Variants in ATP10B observed in about 807,000 individuals in gnomAD.
The protein encoded by ATP10B is ATPase phospholipid transporting 10B (putative), also known as phospholipid-transporting ATPase VB.
In ATP10B, 122 loss-of-function variants were observed where a neutral mutation model predicts 141.2. The ratio of observed to expected loss-of-function variants is 0.86; its 90% confidence interval spans 0.75 to 1.00. The LOEUF (loss-of-function observed/expected upper bound fraction) is 1.00, where lower values mean the gene tolerates loss of function less well. Among genes scored for constraint, ATP10B ranks in the 50% least tolerant of loss-of-function variants. ATP10B has a pLI of 0.00. For synonymous variants in ATP10B, 685 were observed against 692.0 expected (o/e 0.99, Z 0.16); for missense variants, 1,876 against 1,825.3 (o/e 1.03, Z -0.51).
At chr5:160,726,093 TGA>T (rs1766332680) in intron 2 of ATP10B, among the ~76,000 whole-genome samples, 1 of 152,150 alleles carries the variant, frequency 6.6e-6, no homozygotes, top group South Asian at 2.1e-4. Context: ...GGAAAGCCAC[TGA>T]GAGACGCGCG....
At chr5:160,735,585 T>A (rs1308121230) in intron 2 of ATP10B, among the ~76,000 whole-genome samples, 1 of 152,070 alleles carries the variant, frequency 6.6e-6, no homozygotes, top group Non-Finnish European at 1.5e-5. Flanking sequence ...ATTGGACAGA[T>A]CTTCCAGACA....
chr5:160,594,824 A>G (rs555863737), intron 22 of ATP10B, among the ~76,000 whole-genome samples: 1 of 152,350 alleles, frequency 6.6e-6, no homozygotes, highest in Non-Finnish European at 1.5e-5. Flanking sequence ...GGATCAATTC[A>G]ACAAGAAGAG....
chr5:160,770,655 A>T (rs1769831025), intron 2 of ATP10B, among the ~76,000 whole-genome samples: 1 of 152,178 alleles, frequency 6.6e-6, no homozygotes, highest in Non-Finnish European at 1.5e-5. Flanking sequence ...AATTTTGGTT[A>T]GTGTACTTTT....
the ATP10B span, among the ~76,000 whole-genome samples, chr5:160,891,051 T>A: frequency 6.6e-6 from 1 of 152,124 alleles, no homozygotes; most frequent in Non-Finnish European, 1.5e-5. Context: ...CTGTTTTTAA[T>A]TCTTTTGCAT....
At chr5:160,836,246 A>C (rs2127982180) in intron 1 of ATP10B, among the ~76,000 whole-genome samples, 1 of 152,306 alleles carries the variant, frequency 6.6e-6, no homozygotes. Context: ...ATTTACACAC[A>C]GAAAATGACA....
chr5:160,926,616 G>A, the ATP10B span, among the ~76,000 whole-genome samples: 1,944 of 152,278 alleles, frequency 0.013, 30 homozygotes, highest in African/African-American at 0.041. Context: ...TGAAGAAGAC[G>A]TAAGTGCAAT....
At chr5:160,573,631 A>C (rs1273489983) in intron 24 of ATP10B, among the ~76,000 whole-genome samples, 1 of 152,096 alleles carries the variant, frequency 6.6e-6, no homozygotes, top group Non-Finnish European at 1.5e-5. Flanking sequence ...TGAACTGTGG[A>C]TGTGAGGGAT....
chr5:160,603,582 G>A (rs750402631), intron 20 of ATP10B: 18 of 217,044 alleles, frequency 8.3e-5, no homozygotes, highest in Admixed American at 5.8e-4. Context: ...TAGGAGATAC[G>A]CAAAAGTTAA....
At chr5:160,851,581 C>G (rs921420458) in intron 1 of ATP10B, among the ~76,000 whole-genome samples, 1 of 152,146 alleles carries the variant, frequency 6.6e-6, no homozygotes, top group Non-Finnish European at 1.5e-5. Flanking sequence ...TAGTTTCTTT[C>G]TGCTTTGAGA....
chr5:160,758,533 G>C (rs1768800328), intron 2 of ATP10B, among the ~76,000 whole-genome samples: 1 of 152,134 alleles, frequency 6.6e-6, no homozygotes. Context: ...TCAAAACATT[G>C]ACATGGAGGG....
chr5:160,779,095 A>G (rs1001592327), intron 2 of ATP10B, among the ~76,000 whole-genome samples: 5 of 152,210 alleles, frequency 3.3e-5, no homozygotes, highest in African/African-American at 1.2e-4. Context: ...TAATGTCACT[A>G]TCCCCAACCT....
At chr5:160,588,979 G>A (rs2127609739) in intron 24 of ATP10B, among the ~76,000 whole-genome samples, 1 of 152,190 alleles carries the variant, frequency 6.6e-6, no homozygotes, top group South Asian at 2.1e-4. Context: ...TATGGTCAGT[G>A]TTTTCCTTGT....
At chr5:160,906,755 T>C in the ATP10B span, among the ~76,000 whole-genome samples, 2 of 152,210 alleles carry the variant, frequency 1.3e-5, no homozygotes, top group African/African-American at 4.8e-5. Flanking sequence ...CCTCTCCTTC[T>C]TCCTCCTGCT....
At chr5:160,642,195 T>C (rs1477281) in intron 9 of ATP10B, among the ~76,000 whole-genome samples, 134,662 of 152,262 alleles carry the variant, frequency 0.88, 59,832 homozygotes, top group African/African-American at 0.95. Context: ...GGGTGAGTGA[T>C]CCTCTTTGTA....
At chr5:160,825,899 AC>A (rs1774565886) in intron 1 of ATP10B, among the ~76,000 whole-genome samples, 1 of 152,178 alleles carries the variant, frequency 6.6e-6, no homozygotes, top group African/African-American at 2.4e-5. Context: ...ATAAGTGAGA[AC>A]GTGCAGTATT....
At chr5:160,857,156 G>A (rs1398719991), upstream of ATP10B, among the ~76,000 whole-genome samples, 1 of 151,732 alleles carries the variant, frequency 6.6e-6, no homozygotes, top group African/African-American at 2.4e-5. Flanking sequence ...TAAACAAATT[G>A]TAGGATTCCC....
At chr5:160,689,142 A>C in intron 3 of ATP10B, among the ~76,000 whole-genome samples, 199 bp from the exon 4 acceptor site, 1 of 152,370 alleles carries the variant, frequency 6.6e-6, no homozygotes, top group Non-Finnish European at 1.5e-5. Context: ...TGATTACCTC[A>C]ATAGATGCAG....
chr5:160,685,848 G>A lies in ATP10B; in HGVS notation c.470+231C>T, dbSNP rs1315565467. 3.9e-5 allele frequency among the ~76,000 whole-genome samples: 6 copies of A among 151,956 alleles called. No individual in the cohort carries two copies. The South Asian group carries it at 6.2e-4, about 16-fold the overall frequency. On this transcript the variant is annotated intron_variant, in intron 6 of 25. Coordinates refer to ENST00000327245, the MANE Select transcript of ATP10B (RefSeq NM_025153.3). Reference sequence around the variant, plus strand: ...TCGTAGGCTATTTAGCAGAACCCCCGGATTTTACCCACTAGATGTCAGTAG... The same window carrying A: ...TCGTAGGCTATTTAGCAGAACCCCCAGATTTTACCCACTAGATGTCAGTAG...
At chr5:160,696,007 T>G (rs576118810) in intron 3 of ATP10B, among the ~76,000 whole-genome samples, 6 of 152,290 alleles carry the variant, frequency 3.9e-5, no homozygotes, top group Middle Eastern at 6.8e-3. Flanking sequence ...TTTCACAAAT[T>G]ACAGTCATTC....
Sources: gnomAD v4.1 joint callset for allele counts (sites outside exome capture counted in the v4.1 genomes callset) on GRCh38, gnomAD v4.1.1 for gene constraint, MANE v1.5 for transcripts, NCBI Gene and HGNC (gene_info 2026-07-23, HGNC 2026-07-21) for gene names.